NAALADL2: variants seen among roughly 807,000 people sequenced by gnomAD.
NAALADL2 encodes the protein inactive N-acetylated-alpha-linked acidic dipeptidase-like protein 2.
NAALADL2 carries 76 observed loss-of-function variants against 87.2 expected under a neutral mutation model. That is an observed-to-expected ratio of 0.87 (90% CI 0.72 to 1.05). The LOEUF (loss-of-function observed/expected upper bound fraction) is 1.05, where lower values mean the gene tolerates loss of function less well. NAALADL2 is among the 50% of genes least tolerant of loss of function. NAALADL2 has a pLI of 0.00. For missense variants in NAALADL2, 1,089 were observed against 945.8 expected (o/e 1.15, Z -1.99); for synonymous variants, 354 against 331.0 (o/e 1.07, Z -0.75).
chr3:175,685,665 G>T (rs971547952), intron 11 of NAALADL2, among the ~76,000 whole-genome samples: 7 of 152,096 alleles, frequency 4.6e-5, no homozygotes, highest in Non-Finnish European at 8.8e-5. Context: ...TGAGTCCAAA[G>T]GAGAGGTGAT....
At chr3:175,156,591 CATTT>C (rs982954140) in intron 2 of NAALADL2, among the ~76,000 whole-genome samples, 1 of 152,004 alleles carries the variant, frequency 6.6e-6, no homozygotes. Flanking sequence ...TTTAAAGTGA[CATTT>C]AATGATGAAA....
intron 9 of NAALADL2, among the ~76,000 whole-genome samples, chr3:175,561,748 G>A (rs1716309839): frequency 1.3e-5 from 2 of 151,972 alleles, no homozygotes; most frequent in African/African-American, 2.4e-5. Context: ...TCCCCTCATA[G>A]ACCTTATCTA....
At chr3:174,956,159 A>G (rs1028589607) in intron 1 of NAALADL2, among the ~76,000 whole-genome samples, 1 of 152,038 alleles carries the variant, frequency 6.6e-6, no homozygotes, top group African/African-American at 2.4e-5. Context: ...TCAGTTGCAG[A>G]AGATCACAAC....
intron 1 of NAALADL2, among the ~76,000 whole-genome samples, chr3:175,052,381 G>C (rs899208122): frequency 6.6e-6 from 1 of 152,026 alleles, no homozygotes; most frequent in African/African-American, 2.4e-5. Flanking sequence ...CAGATTTTGT[G>C]GGGGGGCCTG....
chr3:175,027,342 A>C (rs1319598509), intron 1 of NAALADL2, among the ~76,000 whole-genome samples: 1 of 152,060 alleles, frequency 6.6e-6, no homozygotes, highest in Non-Finnish European at 1.5e-5. Context: ...TGTATAAAAC[A>C]CAAAACTGAA....
intron 11 of NAALADL2, among the ~76,000 whole-genome samples, chr3:175,655,744 T>G (rs1731378149): frequency 6.6e-6 from 1 of 151,954 alleles, no homozygotes; most frequent in South Asian, 2.1e-4. Flanking sequence ...AAACTTACAG[T>G]AATTCAAAGT....
At chr3:175,555,240 G>A (rs568270795) in intron 9 of NAALADL2, among the ~76,000 whole-genome samples, 2 of 152,290 alleles carry the variant, frequency 1.3e-5, no homozygotes, top group Non-Finnish European at 2.9e-5. Context: ...AATTGACAAA[G>A]TGATCACATT....
chr3:174,539,734 C>T lies in NAALADL2; in HGVS notation c.-183-10835C>T, dbSNP rs188535560. Among the ~76,000 whole-genome samples the T allele has an allele frequency of 3.2e-4, 48 of 152,138 alleles. 1 individual carries two copies. Among genetic ancestry groups the T allele is most frequent in the Admixed American group, 1.8e-3 (28 of 15,260 alleles). On this transcript the variant is annotated intron_variant, in intron 1 of 3. Transcript: ENST00000434257. Reference sequence around the variant, plus strand: ...CATTTTTTTAAATTGGTCTAAGGATCACAAACTAATAGTTTCAATAAATCC... The same window carrying T: ...CATTTTTTTAAATTGGTCTAAGGATTACAAACTAATAGTTTCAATAAATCC...
At chr3:174,586,964 C>T (rs1007391738) in intron 2 of NAALADL2, among the ~76,000 whole-genome samples, 12 of 151,926 alleles carry the variant, frequency 7.9e-5, no homozygotes, top group Admixed American at 7.2e-4. Flanking sequence ...GGTATATCTC[C>T]TAATGCTATC....
intron 3 of NAALADL2, among the ~76,000 whole-genome samples, chr3:174,828,489 G>A (rs1354177395): frequency 6.6e-6 from 1 of 152,130 alleles, no homozygotes; most frequent in African/African-American, 2.4e-5. Flanking sequence ...GTAAAGCTAG[G>A]CCTTCAGAAC....
At chr3:175,197,178 G>T (rs1484755386) in intron 2 of NAALADL2, among the ~76,000 whole-genome samples, 1 of 151,908 alleles carries the variant, frequency 6.6e-6, no homozygotes, top group Non-Finnish European at 1.5e-5. Context: ...CATAGAATAT[G>T]TACTACAATT....
chr3:174,507,283 A>G (rs189695847), intron 1 of NAALADL2, among the ~76,000 whole-genome samples: 1 of 152,270 alleles, frequency 6.6e-6, no homozygotes, highest in East Asian at 1.9e-4. Flanking sequence ...AGATGTTTTC[A>G]AGCTATGCTC....
intron 1 of NAALADL2, among the ~76,000 whole-genome samples, chr3:174,905,391 A>G (rs1732844204): frequency 6.7e-6 from 1 of 150,242 alleles, no homozygotes; most frequent in South Asian, 2.1e-4. Context: ...ACAATTAAGA[A>G]TTTTATAAAG....
At chr3:175,657,035 A>G (rs1368496554) in intron 11 of NAALADL2, among the ~76,000 whole-genome samples, 2 of 152,208 alleles carry the variant, frequency 1.3e-5, no homozygotes, top group Non-Finnish European at 2.9e-5. Flanking sequence ...GTACTTACAT[A>G]TAAGAAAACT....
chr3:174,732,050 A>C (rs556420778), intron 2 of NAALADL2, among the ~76,000 whole-genome samples: 5 of 152,282 alleles, frequency 3.3e-5, no homozygotes, highest in African/African-American at 1.2e-4. Context: ...CATCCGGCCA[A>C]ATTTGGCTGA....
intron 11 of NAALADL2, among the ~76,000 whole-genome samples, chr3:175,656,762 G>A (rs1042395208): frequency 5.3e-5 from 8 of 151,692 alleles, no homozygotes; most frequent in Non-Finnish European, 5.9e-5. Flanking sequence ...TGCAGGGGGC[G>A]AGGGGGAGTA....
At chr3:175,346,140 T>A (rs1763132635) in intron 5 of NAALADL2, among the ~76,000 whole-genome samples, 1 of 152,130 alleles carries the variant, frequency 6.6e-6, no homozygotes, top group Non-Finnish European at 1.5e-5. Context: ...TATTATATTT[T>A]TCTGAATATA....
intron 13 of NAALADL2, among the ~76,000 whole-genome samples, chr3:175,766,447 G>A (rs979572289): frequency 3.4e-4 from 52 of 152,050 alleles, no homozygotes; most frequent in African/African-American, 1.2e-3. Context: ...AGTAAGAAAA[G>A]ATAAACTAGT....
chr3:175,125,639 T>C (rs964301271), intron 2 of NAALADL2, among the ~76,000 whole-genome samples: 1 of 152,056 alleles, frequency 6.6e-6, no homozygotes, highest in Admixed American at 6.6e-5. Context: ...ACATACAGTT[T>C]ATTAAATGAG....
Sources: allele counts gnomAD v4.1 joint callset (sites outside exome capture counted in the v4.1 genomes callset), GRCh38; gene constraint gnomAD v4.1.1; transcripts MANE v1.5; gene names NCBI Gene and HGNC (gene_info 2026-07-23, HGNC 2026-07-21).